Variants in FIP1L1 observed in about 807,000 individuals in gnomAD.
The protein encoded by FIP1L1 is pre-mRNA 3'-end-processing factor FIP1.
A neutral mutation model predicts 84.6 loss-of-function variants in FIP1L1; 21 were observed. That is an observed-to-expected ratio of 0.25 (90% CI 0.18 to 0.36). FIP1L1 has a LOEUF of 0.36. Ranked by LOEUF, FIP1L1 falls within the 10% of genes least tolerant of loss-of-function variation. FIP1L1 has a pLI of 1.00. For missense variants in FIP1L1, 526 were observed against 751.1 expected (o/e 0.70, Z 3.50); for synonymous variants, 263 against 242.3 (o/e 1.09, Z -0.80).
intron 13 of FIP1L1, among the ~76,000 whole-genome samples, chr4:53,436,118 T>G (rs1225223013): frequency 6.6e-6 from 1 of 152,196 alleles, no homozygotes; most frequent in Non-Finnish European, 1.5e-5. Flanking sequence ...TCATGTGAAT[T>G]TGAATAGAGA....
intron 15 of FIP1L1, among the ~76,000 whole-genome samples, chr4:53,444,501 G>A (rs1388271733): frequency 6.6e-6 from 1 of 151,908 alleles, no homozygotes; most frequent in African/African-American, 2.4e-5. Flanking sequence ...CCCCTTTCAT[G>A]TTCATTCTTG....
chr4:53,381,753 C>CTTTTTTTTTTTTTTTTTTTTTTTTTTTTT lies in FIP1L1; in HGVS notation c.171-501_171-500insTTTTTTTTTTTTTTTTTTTTTTTTTTTTT, dbSNP rs531488760. Among the ~76,000 whole-genome samples the CTTTTTTTTTTTTTTTTTTTTTTTTTTTTT allele has an allele frequency of 1.9e-4, 17 of 87,946 alleles. 5 individuals are homozygous for CTTTTTTTTTTTTTTTTTTTTTTTTTTTTT. Among genetic ancestry groups the CTTTTTTTTTTTTTTTTTTTTTTTTTTTTT allele is most frequent in the East Asian group, 4.1e-4 (1 of 2,412 alleles). 57.7% of individuals were successfully genotyped at this position (87,946 alleles called of 152,430 possible). On this transcript the variant is annotated intron_variant, in intron 3 of 17. Coordinates refer to ENST00000337488, the MANE Select transcript of FIP1L1 (RefSeq NM_030917.4). The stretch of plus-strand genomic sequence containing the variant: ...AATAAACTGTGAAGGCATTTGCATT[C>CTTTTTTTTTTTTTTTTTTTTTTTTTTTTT]TTTTTTTTTTTTTTTTTTTTTTTTG...
intron 11 of FIP1L1, among the ~76,000 whole-genome samples, chr4:53,420,305 G>A (rs578233784): frequency 1.7e-4 from 25 of 148,838 alleles, no homozygotes; most frequent in East Asian, 9.9e-4. Flanking sequence ...GGTAGCATGC[G>A]TCCGTAATCC....
At chr4:53,392,400 A>G (rs1261841923) in intron 9 of FIP1L1, among the ~76,000 whole-genome samples, 2 of 152,266 alleles carry the variant, frequency 1.3e-5, no homozygotes, top group Admixed American at 1.3e-4. Context: ...CAACCACTCT[A>G]CTGTACACAG....
chr4:53,397,618 C>T (rs1381003565), intron 9 of FIP1L1, among the ~76,000 whole-genome samples: 1 of 152,232 alleles, frequency 6.6e-6, no homozygotes, highest in Non-Finnish European at 1.5e-5. Flanking sequence ...GATAACCTCT[C>T]AGTGTAAACC....
intron 12 of FIP1L1, among the ~76,000 whole-genome samples, chr4:53,427,016 A>G (rs1167122736): frequency 6.6e-6 from 1 of 152,190 alleles, no homozygotes; most frequent in Non-Finnish European, 1.5e-5. Flanking sequence ...TTGATCATGT[A>G]AAATATTCCT....
chr4:53,459,597 T>A lies in FIP1L1; in HGVS notation c.*148T>A. 1 of 1,126,058 alleles carries A rather than the reference T, an allele frequency of 8.9e-7. No homozygotes were observed. The highest frequency in any genetic ancestry group is 1.4e-5 in the South Asian group (1 of 69,520). The allele number at this position is 1,126,058 out of a possible 1,614,324, so 69.8% of individuals were successfully genotyped here. Reference sequence around the variant, plus strand: ...TAACTTTTTTTCCAAAATAAAAGAGTGAATTTTTCATGTTAAGTTAAAAAT... The same window carrying A: ...TAACTTTTTTTCCAAAATAAAAGAGAGAATTTTTCATGTTAAGTTAAAAAT... On this transcript the variant is annotated 3_prime_UTR_variant, in exon 18 of 18. Coordinates refer to ENST00000337488, the MANE Select transcript of FIP1L1 (RefSeq NM_030917.4).
chr4:53,451,131 ATTTT>A (rs374162985), intron 15 of FIP1L1, among the ~76,000 whole-genome samples: 9 of 144,414 alleles, frequency 6.2e-5, no homozygotes, highest in African/African-American at 2.0e-4. Context: ...TGCCTGGCTA[ATTTT>A]TTTTTTTGTA....
In FIP1L1 at chr4:53,395,907, C is replaced by T. The variant is rs190109261; in HGVS notation, c.706-3823C>T. ...CCTGAGTAGGCCTTAATTGGCATAA[C>T]TGTATTTTATGATTTTTTTTTTTTT... On this transcript the variant is annotated intron_variant, in intron 9 of 17. Transcript: ENST00000337488. Among the ~76,000 whole-genome samples the T allele has an allele frequency of 4.4e-5, 6 of 136,682 alleles. No individual in the cohort carries two copies. The Admixed American group carries it at 4.9e-4, about 11-fold the overall frequency. The allele number at this position is 136,682 out of a possible 152,430, so 89.7% of individuals were successfully genotyped here.
intron 11 of FIP1L1, among the ~76,000 whole-genome samples, chr4:53,425,588 G>C (rs1764003535): frequency 6.6e-6 from 1 of 151,998 alleles, no homozygotes; most frequent in Non-Finnish European, 1.5e-5. Context: ...AATTTATTTG[G>C]AGACTACTAA....
chr4:53,379,368 A>C (rs1736566180), intron 3 of FIP1L1, 104 bp downstream of exon 3: 1 of 966,412 alleles, frequency 1.0e-6, no homozygotes, highest in Admixed American at 2.4e-5. Flanking sequence ...TCATTACAAC[A>C]CTGACTTACA....
At chr4:53,402,983 C>T (rs569162263) in intron 10 of FIP1L1, among the ~76,000 whole-genome samples, 7 of 152,126 alleles carry the variant, frequency 4.6e-5, no homozygotes, top group Admixed American at 1.3e-4. Context: ...TCATTTTTCC[C>T]GGCAAAATAA....
rs565606625 is a variant in FIP1L1 at position 53,393,108 on chromosome 4, A to G, written c.705+1610A>G. On this transcript the variant is annotated intron_variant, in intron 9 of 17. Coordinates refer to ENST00000337488, the MANE Select transcript of FIP1L1 (RefSeq NM_030917.4). ...TAACCTGCAAACATTTGTGTAGCCA[A>G]TAGGAAGCTGTTTGAAAGTTCCTGA... Among the ~76,000 whole-genome samples, 60 of 152,330 alleles carry G rather than the reference A, an allele frequency of 3.9e-4. No homozygotes were observed. In the South Asian group the frequency reaches 4.6e-3, roughly 12 times the overall value.
At chr4:53,380,265 G>A (rs1432019826) in intron 3 of FIP1L1, among the ~76,000 whole-genome samples, 4 of 152,216 alleles carry the variant, frequency 2.6e-5, no homozygotes, top group Non-Finnish European at 2.9e-5. Context: ...TAGATTAAAT[G>A]TGTTATATCC....
At position 53,460,053 on chromosome 4, in the gene FIP1L1, A is replaced by ATAAAT. The variant is rs907956551; in HGVS notation, c.*608_*612dup. 3.0e-5 allele frequency: 3 copies of ATAAAT among 101,066 alleles called. No individual in the cohort carries two copies. Among genetic ancestry groups the ATAAAT allele is most frequent in the African/African-American group, 1.6e-4 (3 of 19,168 alleles). 6.3% of individuals were successfully genotyped at this position (101,066 alleles called of 1,614,324 possible). A position where few individuals can be genotyped will look rare whatever the true frequency, so the allele number is the denominator to read the frequency against. On this transcript the variant is annotated 3_prime_UTR_variant, in exon 18 of 18. Transcript: ENST00000337488. ...AAGGCATCTGGGTGGCCTCTATGAA[A>ATAAAT]TAAATTAATTAATTACCCATAGTGT...
chr4:53,389,719 G>T, intron 5 of FIP1L1, 90 bp from the exon 6 acceptor site: 3 of 946,722 alleles, frequency 3.2e-6, no homozygotes, highest in Non-Finnish European at 4.9e-6. Flanking sequence ...CTATGTGATT[G>T]TATAATTTGT....
intron 14 of FIP1L1, among the ~76,000 whole-genome samples, chr4:53,442,941 T>C (rs1172903215): frequency 3.3e-5 from 5 of 152,126 alleles, no homozygotes; most frequent in African/African-American, 1.2e-4. Context: ...CTTGCTTTGA[T>C]TTATGACACA....
intron 16 of FIP1L1, 124 bp downstream of exon 16, chr4:53,453,257 C>G: frequency 9.2e-7 from 1 of 1,085,886 alleles, no homozygotes; most frequent in Admixed American, 2.1e-5. Context: ...CATAGGAAAG[C>G]CATCTTAAAA....
chr4:53,395,280 G>A (rs1254436621), intron 9 of FIP1L1, among the ~76,000 whole-genome samples: 1 of 152,036 alleles, frequency 6.6e-6, no homozygotes, highest in Non-Finnish European at 1.5e-5. Flanking sequence ...AAGAAATTAA[G>A]GAAAAAAGAA....
Sources: allele counts gnomAD v4.1 joint callset (sites outside exome capture counted in the v4.1 genomes callset), GRCh38; gene constraint gnomAD v4.1.1; transcripts MANE v1.5; gene names NCBI Gene and HGNC (gene_info 2026-07-23, HGNC 2026-07-21).